Variants in HTR2B observed in about 807,000 individuals in gnomAD.
HTR2B encodes 5-HT 2B receptor.
Under a neutral mutation model 39.8 loss-of-function variants are expected in HTR2B, and 31 were observed. The ratio of observed to expected loss-of-function variants is 0.78; its 90% CI spans 0.58 to 1.05. The LOEUF (loss-of-function observed/expected upper bound fraction) is 1.05. Ranked by LOEUF, HTR2B falls within the 50% of genes least tolerant of loss-of-function variation. HTR2B has a pLI of 0.00. For missense variants in HTR2B, 562 were observed against 578.0 expected, an observed-to-expected ratio of 0.97 and a Z score of 0.28; for synonymous variants, 210 against 207.1, an observed-to-expected ratio of 1.01 and a Z score of -0.12.
At chr2:231,112,089 T>A (rs1239730158) in intron 3 of HTR2B, among the ~76,000 whole-genome samples, 2 of 152,180 alleles carry the variant, frequency 1.3e-5, no homozygotes, top group Non-Finnish European at 2.9e-5. Context: ...TTAATTATTC[T>A]TAAGGATCCA....
At chr2:231,120,254 C>T (rs1695492181) in intron 2 of HTR2B, among the ~76,000 whole-genome samples, 1 of 152,142 alleles carries the variant, frequency 6.6e-6, no homozygotes, top group Non-Finnish European at 1.5e-5. Context: ...GCCCAGCCTC[C>T]CCTGTTACTT....
At position 231,108,789 on chromosome 2, in the gene HTR2B, C is replaced by G. The variant is rs1405092357; in HGVS notation, c.1174G>C (p.Gly392Arg). ...CGGTAATTGCAGGTGATATATCGGCCAAATGCATCCCGAAATGTCTTATTG... is the reference window on the plus strand; with the variant it reads ...CGGTAATTGCAGGTGATATATCGGCGAAATGCATCCCGAAATGTCTTATTG... ...LFNKTFRDAF[G>R]RYITCNYRAT... Residue 392 changes from glycine (G) to arginine (R), a missense_variant, in exon 4 of 4, where the codon GGC (glycine) becomes CGC (arginine). Gly to Arg is a moderately radical substitution (Grantham distance 125). Transcript: ENST00000258400. 2 of 1,613,910 alleles carry G rather than the reference C, an allele frequency of 1.2e-6. No individual in the cohort carries two copies. The highest frequency in any genetic ancestry group is 3.3e-5 in the Admixed American group (2 of 59,990).
At chr2:231,109,526 G>T in intron 3 of HTR2B, 117 bp from the exon 4 acceptor site, 1 of 870,872 alleles carries the variant, frequency 1.1e-6, no homozygotes, top group East Asian at 2.6e-5. Flanking sequence ...ATAATTCCTG[G>T]GACCCACAAT....
intron 2 of HTR2B, among the ~76,000 whole-genome samples, chr2:231,115,260 G>A (rs1324979982): frequency 6.6e-6 from 1 of 151,964 alleles, no homozygotes; most frequent in Non-Finnish European, 1.5e-5. Flanking sequence ...CAAGCATCAA[G>A]TAGGAGATTT....
chr2:231,109,418 G>A lies in HTR2B; in HGVS notation c.554-9C>T. Reference sequence around the variant, plus strand: ...GACTGGAATGGCAATGCCTAAGGAAGAGGAAAACAAGATAAATTGAGTCAT... The same window carrying A: ...GACTGGAATGGCAATGCCTAAGGAAAAGGAAAACAAGATAAATTGAGTCAT... On this transcript the variant is annotated splice_polypyrimidine_tract_variant and intron_variant, in intron 3 of 3. Transcript: ENST00000258400. 1 of 1,612,632 alleles carries A rather than the reference G, an allele frequency of 6.2e-7. No individual in the cohort carries two copies. The highest frequency in any genetic ancestry group is 8.5e-7 in the Non-Finnish European group (1 of 1,178,786).
Position 231,124,465 on chromosome 2 carries a change from A to G in HTR2B, c.-366-335T>C, listed in dbSNP as rs142724194. Among the ~76,000 whole-genome samples the G allele has an allele frequency of 5.1e-3, 784 of 152,240 alleles. 6 individuals are homozygous for G. Among genetic ancestry groups the G allele is most frequent in the African/African-American group, 0.017 (720 of 41,540 alleles). ...ACCCACCTAGAAACACTCAAAGCCC[A>G]ACAAGGGTCTAAATAAATGTTTTAC... On this transcript the variant is annotated intron_variant, in intron 1 of 3. Coordinates refer to ENST00000258400, the MANE Select transcript of HTR2B (RefSeq NM_000867.5).
rs115328679 is a variant in HTR2B, at chr2:231,109,129, C to T, written c.834G>A (p.Pro278=). 251 of 1,614,040 alleles carry T rather than the reference C, an allele frequency of 1.6e-4. 1 individual carries two copies. The African/African-American group carries it at 2.3e-3, about 15-fold the overall frequency. Residue 278 remains proline, a synonymous_variant, in exon 4 of 4, where the codon CCG becomes CCA. Transcript: ENST00000258400. ...FQRDETPCSS[P]EKVAMLDGSR... ...AACCATCCAGCATTGCCACCTTTTC[C>T]GGTGACGAGCAAGGTGTTTCATCCC...
chr2:231,121,054 GT>G (rs1270602590), intron 2 of HTR2B, among the ~76,000 whole-genome samples: 24 of 152,142 alleles, frequency 1.6e-4, no homozygotes, highest in African/African-American at 5.6e-4. Context: ...AGGGCAACAT[GT>G]GTTTTTTTCC....
intron 2 of HTR2B, among the ~76,000 whole-genome samples, chr2:231,114,410 A>G (rs1695262479): frequency 6.6e-6 from 1 of 152,254 alleles, no homozygotes; most frequent in Non-Finnish European, 1.5e-5. Flanking sequence ...CACTTCTAGC[A>G]ATAACTAGCA....
chr2:231,116,390 A>G (rs78903528), intron 2 of HTR2B, among the ~76,000 whole-genome samples: 3,387 of 152,172 alleles, frequency 0.022, 138 homozygotes, highest in African/African-American at 0.077. Context: ...TTATTGTGTT[A>G]TATCTTAGAT....
chr2:231,118,788 C>T (rs1325490402), intron 2 of HTR2B, among the ~76,000 whole-genome samples: 1 of 152,136 alleles, frequency 6.6e-6, no homozygotes, highest in Non-Finnish European at 1.5e-5. Context: ...AAATGTTTCC[C>T]TTTGGAGGAT....
At chr2:231,110,024 C>T (rs1695100961) in intron 3 of HTR2B, among the ~76,000 whole-genome samples, 1 of 152,160 alleles carries the variant, frequency 6.6e-6, no homozygotes, top group Non-Finnish European at 1.5e-5. Flanking sequence ...AATCTTTCTT[C>T]TTCTGTAGAA....
intron 2 of HTR2B, among the ~76,000 whole-genome samples, chr2:231,118,648 C>T (rs990254768): frequency 3.9e-5 from 6 of 152,008 alleles, no homozygotes; most frequent in Non-Finnish European, 8.8e-5. Flanking sequence ...CTAGAAACCC[C>T]GTATCTTGAT....
Position 231,108,918 on chromosome 2 carries a change from A to C in HTR2B, c.1045T>G (p.Leu349Val), listed in dbSNP as rs1277526718. The change falls in exon 4 of 4, where the codon TTA (leucine) becomes GTA (valine). Residue 349 changes from leucine (L) to valine (V), a missense_variant. Transcript: ENST00000258400. ...PFFITNITLV[L>V]CDSCNQTTLQ... The stretch of plus-strand genomic sequence containing the variant: ...GTAGTTTGGTTACAGGAATCACATA[A>C]AACTAAAGTTATATTTGTAATAAAG... The C allele has an allele frequency of 6.2e-7, 1 of 1,614,128 alleles. No individual in the cohort carries two copies. The highest frequency in any genetic ancestry group is 8.5e-7 in the Non-Finnish European group (1 of 1,180,002).
Position 231,108,530 on chromosome 2 carries a change from A to T in HTR2B, c.1433T>A (p.Val478Asp), listed in dbSNP as rs1254278711. Residue 478 changes from valine to aspartate, a missense_variant, in exon 4 of 4, where the codon GTT (valine) becomes GAT (aspartate). By Grantham distance (152) the Val-to-Asp change is radical (BLOSUM62 -3). Coordinates refer to ENST00000258400, the MANE Select transcript of HTR2B (RefSeq NM_000867.5). ...ENEGDKTEEQ[V>D]SYV ...CTGCCAGTTCTGCTATACATAACTA[A>T]CTTGCTCTTCAGTTTTGTCACCTTC... 6.2e-7 allele frequency: 1 copy of T among 1,613,522 alleles called. No homozygotes were observed. Among genetic ancestry groups the T allele is most frequent in the East Asian group, 2.2e-5 (1 of 44,846 alleles).
intron 2 of HTR2B, among the ~76,000 whole-genome samples, chr2:231,121,447 A>C (rs1695539048): frequency 1.3e-5 from 2 of 152,246 alleles, no homozygotes; most frequent in Non-Finnish European, 2.9e-5. Flanking sequence ...TCAATTATTT[A>C]AGACATAAAT....
rs769781517 is a variant in HTR2B, at chr2:231,108,573, G to A, written c.1390C>T (p.Leu464Phe). 2.5e-6 allele frequency: 4 copies of A among 1,613,920 alleles called. No individual in the cohort carries two copies. Among genetic ancestry groups the A allele is most frequent in the East Asian group, 2.2e-5 (1 of 44,840 alleles). Residue 464 changes from leucine (L) to phenylalanine (F), a missense_variant, in exon 4 of 4, where the codon CTT (leucine) becomes TTT (phenylalanine). Leu to Phe is a conservative substitution (Grantham distance 22). Coordinates refer to ENST00000258400, the MANE Select transcript of HTR2B (RefSeq NM_000867.5). ...QSSSIILLDT[L>F]LLTENEGDKT... ...TCACCTTCATTTTCAGTGAGGAGAAGCGTATCTAGTAGAATGATTGATGAA... is the reference window on the plus strand; with the variant it reads ...TCACCTTCATTTTCAGTGAGGAGAAACGTATCTAGTAGAATGATTGATGAA...
At position 231,113,776 on chromosome 2, in the gene HTR2B, C is replaced by T. The variant is rs747647526; in HGVS notation, c.506G>A (p.Arg169Gln). The T allele has an allele frequency of 5.0e-6, 8 of 1,613,882 alleles. No homozygotes were observed. The East Asian group carries it at 8.9e-5, about 18-fold the overall frequency. The change falls in exon 3 of 4, where the codon CGG becomes CAG. Residue 169 changes from arginine to glutamine, a missense_variant. By Grantham distance (43) the Arg-to-Gln change is conservative. Transcript: ENST00000258400. The part of the protein sequence containing the change: ...KPIQANQYNS[R>Q]ATAFIKITVV... The stretch of plus-strand genomic sequence containing the variant: ...TGTAATCTTGATGAATGCTGTAGCC[C>T]GTGAGTTATATTGATTGGCCTGGAT...
rs190004452 is a variant in HTR2B at position 231,123,947 on chromosome 2, A to G, written c.-183T>C. 2.1e-5 allele frequency: 13 copies of G among 615,292 alleles called. No individual in the cohort carries two copies. The highest frequency in any genetic ancestry group is 3.2e-5 in the Non-Finnish European group (11 of 343,444). 38.1% of individuals were successfully genotyped at this position (615,292 alleles called of 1,614,324 possible). A position where few individuals can be genotyped will look rare whatever the true frequency, so the allele number is the denominator to read the frequency against. The stretch of plus-strand genomic sequence containing the variant: ...AATGAGCGCATACACACATCTGTCC[A>G]TGTTTGTAGGTAAGATATCCAAGTA... On this transcript the variant is annotated 5_prime_UTR_variant, in exon 2 of 4. It removes an upstream start codon present in the reference 5' UTR. Coordinates refer to ENST00000258400, the MANE Select transcript of HTR2B (RefSeq NM_000867.5).
Sources: gnomAD v4.1 joint callset for allele counts (sites outside exome capture counted in the v4.1 genomes callset) on GRCh38, gnomAD v4.1.1 for gene constraint, MANE v1.5 for transcripts, NCBI Gene and HGNC (gene_info 2026-07-23, HGNC 2026-07-21) for gene names.